Variants in YPEL5 observed in about 807,000 individuals in gnomAD.
The protein encoded by YPEL5 is protein yippee-like 5.
YPEL5 carries 1 observed loss-of-function variant against 10.5 expected under a neutral mutation model. The observed-to-expected ratio is 0.10, with a 90% CI of 0.03 to 0.45. The LOEUF (loss-of-function observed/expected upper bound fraction) is 0.45. Ranked by LOEUF, YPEL5 falls within the 20% of genes least tolerant of loss-of-function variation. The pLI is 0.97. For missense variants in YPEL5, 68 were observed against 159.3 expected, an observed-to-expected ratio of 0.43 and a Z score of 3.09; for synonymous variants, 61 against 56.6, an observed-to-expected ratio of 1.08 and a Z score of -0.35.
At chr2:30,156,307 C>T in intron 1 of YPEL5, 1 of 227,398 alleles carries the variant, frequency 4.4e-6, no homozygotes, top group South Asian at 8.5e-5. Flanking sequence ...TGCTTTACAT[C>T]ATTCATTTTC....
At chr2:30,153,621 C>G (rs1393661643) in intron 1 of YPEL5, among the ~76,000 whole-genome samples, 2 of 152,150 alleles carry the variant, frequency 1.3e-5, no homozygotes, top group Non-Finnish European at 2.9e-5. Flanking sequence ...GCCTAAGGAC[C>G]CTACAGAGGT....
rs985709712 is a variant in YPEL5, at chr2:30,147,852, A to ACCGCCGCCG, written c.-25+795_-25+803dup. On this transcript the variant is annotated intron_variant, in intron 1 of 2. Coordinates refer to ENST00000261353, the MANE Select transcript of YPEL5 (RefSeq NM_016061.3). ...TTGTGCCGAGGGAGGCCCCGCCGCC[A>ACCGCCGCCG]CCGCCGCCGCCGCGCTCTGCCGCCC... 216 of 152,408 alleles carry ACCGCCGCCG rather than the reference A, an allele frequency of 1.4e-3. 1 individual carries two copies. The highest frequency in any genetic ancestry group is 4.7e-3 in the African/African-American group (194 of 40,876). The allele number at this position is 152,408 out of a possible 1,614,324, so 9.4% of individuals were successfully genotyped here.
chr2:30,153,189 A>T (rs1572754712), intron 1 of YPEL5, among the ~76,000 whole-genome samples: 2 of 152,196 alleles, frequency 1.3e-5, no homozygotes, highest in Non-Finnish European at 2.9e-5. Flanking sequence ...GGTGTGAGCC[A>T]CCGCGCCCGG....
chr2:30,151,441 A>G (rs1302852609), intron 1 of YPEL5, among the ~76,000 whole-genome samples: 1 of 152,214 alleles, frequency 6.6e-6, no homozygotes. Flanking sequence ...TGAGAGAGGG[A>G]GGAAATTGAA....
intron 2 of YPEL5, among the ~76,000 whole-genome samples, chr2:30,158,004 A>G (rs1042537879): frequency 6.6e-6 from 1 of 152,244 alleles, no homozygotes; most frequent in Non-Finnish European, 1.5e-5. Context: ...CTGGCCCTTT[A>G]CAGAAAAGGA....
At chr2:30,152,355 G>T (rs893761627) in intron 1 of YPEL5, among the ~76,000 whole-genome samples, 1 of 152,180 alleles carries the variant, frequency 6.6e-6, no homozygotes, top group Non-Finnish European at 1.5e-5. Flanking sequence ...AGTCACACTC[G>T]CTGACCCTGA....
intron 1 of YPEL5, among the ~76,000 whole-genome samples, chr2:30,154,723 T>A (rs1319122241): frequency 6.6e-6 from 1 of 152,184 alleles, no homozygotes; most frequent in African/African-American, 2.4e-5. Flanking sequence ...CTGACTTATA[T>A]GTAAATAAAT....
At chr2:30,151,890 C>A (rs991781314) in intron 1 of YPEL5, among the ~76,000 whole-genome samples, 2 of 152,148 alleles carry the variant, frequency 1.3e-5, no homozygotes, top group African/African-American at 4.8e-5. Flanking sequence ...TGGGATTACT[C>A]TAAGTCCAAG....
At chr2:30,152,892 T>TCC (rs1675872116) in intron 1 of YPEL5, among the ~76,000 whole-genome samples, 1 of 17,744 alleles carries the variant, frequency 5.6e-5, no homozygotes, top group Non-Finnish European at 9.2e-5. Context: ...TGTCCTTTGT[T>TCC]TTTTTTTTTT....
intron 1 of YPEL5, chr2:30,148,375 G>A (rs1284439974): frequency 6.6e-6 from 1 of 152,170 alleles, no homozygotes. Flanking sequence ...GGGAGGAGTA[G>A]GATATTAGCT....
Position 30,159,150 on chromosome 2 carries a change from C to A in YPEL5, c.*307C>A. ...AGCTATGTAAGGAAAAAAATCTGGGCTGTTAGAGTGAAAAAGTGTGTTTTA... is the reference window on the plus strand; with the variant it reads ...AGCTATGTAAGGAAAAAAATCTGGGATGTTAGAGTGAAAAAGTGTGTTTTA... On this transcript the variant is annotated 3_prime_UTR_variant, in exon 3 of 3. Coordinates refer to ENST00000261353, the MANE Select transcript of YPEL5 (RefSeq NM_016061.3). 3.6e-6 allele frequency: 1 copy of A among 274,202 alleles called. No individual in the cohort carries two copies. Among genetic ancestry groups the A allele is most frequent in the Non-Finnish European group, 6.9e-6 (1 of 145,200 alleles). 17.0% of individuals were successfully genotyped at this position (274,202 alleles called of 1,614,324 possible).
intron 1 of YPEL5, among the ~76,000 whole-genome samples, chr2:30,148,852 G>T (rs758471948): frequency 1.3e-5 from 2 of 152,206 alleles, no homozygotes; most frequent in Non-Finnish European, 2.9e-5. Context: ...CAGTCCACGA[G>T]ACATGAAGGT....
intron 1 of YPEL5, among the ~76,000 whole-genome samples, chr2:30,150,148 TGC>T (rs1237270398): frequency 1.3e-5 from 2 of 152,256 alleles, no homozygotes; most frequent in African/African-American, 4.8e-5. Flanking sequence ...ATCACCTGGT[TGC>T]TTAGCTTTAG....
At chr2:30,149,225 T>C (rs1159937882) in intron 1 of YPEL5, among the ~76,000 whole-genome samples, 4 of 152,336 alleles carry the variant, frequency 2.6e-5, no homozygotes, top group East Asian at 3.9e-4. Context: ...TATTGAAATA[T>C]AGTGAACTTG....
At chr2:30,150,138 A>G (rs1045636425) in intron 1 of YPEL5, among the ~76,000 whole-genome samples, 5 of 152,198 alleles carry the variant, frequency 3.3e-5, no homozygotes, top group Non-Finnish European at 7.3e-5. Context: ...TCTGATTTCT[A>G]TCACCTGGTT....
In YPEL5 at chr2:30,159,310, T is replaced by C. The variant is rs934232958; in HGVS notation, c.*467T>C. 3 of 166,384 alleles carry C rather than the reference T, an allele frequency of 1.8e-5. No individual in the cohort carries two copies. The highest frequency in any genetic ancestry group is 7.2e-5 in the African/African-American group (3 of 41,520). 10.3% of individuals were successfully genotyped at this position (166,384 alleles called of 1,614,324 possible). ...AGAGATCCGAATCTGTGCCCAGCGC[T>C]AAAGGCTCAGTGTTAGCATGGCTTG... is the stretch of plus-strand genomic sequence containing the variant. On this transcript the variant is annotated 3_prime_UTR_variant, in exon 3 of 3. Transcript: ENST00000261353.
intron 2 of YPEL5, 29 bp from the exon 3 acceptor site, chr2:30,158,590 C>G (rs1246339734): frequency 1.9e-6 from 3 of 1,604,424 alleles, no homozygotes; most frequent in South Asian, 1.1e-5. Flanking sequence ...ACATGCCTTG[C>G]AATTTTGATT....
chr2:30,153,153 G>A (rs1675889998), intron 1 of YPEL5, among the ~76,000 whole-genome samples: 1 of 152,066 alleles, frequency 6.6e-6, no homozygotes, highest in Admixed American at 6.5e-5. Flanking sequence ...CGCCCACCTT[G>A]GCCTCCCCAA....
chr2:30,150,202 C>G (rs1357271875), intron 1 of YPEL5, among the ~76,000 whole-genome samples: 3 of 152,184 alleles, frequency 2.0e-5, no homozygotes, highest in Non-Finnish European at 4.4e-5. Flanking sequence ...GTTATTGTTT[C>G]ATATCCTTTG....
Sources: gnomAD v4.1 joint callset for allele counts (sites outside exome capture counted in the v4.1 genomes callset) on GRCh38, gnomAD v4.1.1 for gene constraint, MANE v1.5 for transcripts, NCBI Gene and HGNC (gene_info 2026-07-23, HGNC 2026-07-21) for gene names.